DCTN5: variants seen among roughly 807,000 people sequenced by gnomAD.
The protein encoded by DCTN5 is dynactin 4.
In DCTN5, 14 loss-of-function variants were observed where a neutral mutation model predicts 23.5. That is an observed-to-expected ratio of 0.60 (90% confidence interval 0.39 to 0.93). DCTN5 has a LOEUF of 0.93. DCTN5 is among the 40% of genes least tolerant of loss of function. The pLI is 0.00. For synonymous variants in DCTN5, 67 were observed against 79.6 expected, an observed-to-expected ratio of 0.84 and a Z score of 0.84; for missense variants, 156 against 225.9, an observed-to-expected ratio of 0.69 and a Z score of 1.98.
intron 2 of DCTN5, among the ~76,000 whole-genome samples, chr16:23,644,089 A>AATAT (rs1967368930): frequency 6.6e-6 from 1 of 152,022 alleles, no homozygotes; most frequent in African/African-American, 2.4e-5. Flanking sequence ...GTGGAAAAGA[A>AATAT]ATATAATTCA....
At chr16:23,650,753 C>T in intron 2 of DCTN5, 2 of 1,534,804 alleles carry the variant, frequency 1.3e-6, no homozygotes, top group Non-Finnish European at 1.7e-6. Context: ...CCTTCTCTTT[C>T]AGAACTTTGT....
chr16:23,650,373 G>A (rs1244689085), intron 2 of DCTN5, among the ~76,000 whole-genome samples: 2 of 151,952 alleles, frequency 1.3e-5, no homozygotes, highest in African/African-American at 4.8e-5. Context: ...TGCCCAGGCT[G>A]GAGTGTAATG....
At chr16:23,658,019 C>T (rs1003566081) in intron 2 of DCTN5, among the ~76,000 whole-genome samples, 6 of 152,202 alleles carry the variant, frequency 3.9e-5, no homozygotes, top group African/African-American at 1.4e-4. Context: ...TTACACTTTG[C>T]AGTGTAGCAC....
At chr16:23,642,736 C>T (rs1380124928) in intron 1 of DCTN5, 4 of 537,300 alleles carry the variant, frequency 7.4e-6, no homozygotes, top group African/African-American at 1.9e-5. Flanking sequence ...ATCCGTCTGC[C>T]TCAGCCTCTC....
At chr16:23,643,597 T>C (rs1967357460) in intron 2 of DCTN5, among the ~76,000 whole-genome samples, 1 of 152,088 alleles carries the variant, frequency 6.6e-6, no homozygotes, top group African/African-American at 2.4e-5. Flanking sequence ...ACCAACATTA[T>C]TTTATGATAT....
chr16:23,654,507 A>C (rs1041493075), intron 2 of DCTN5, among the ~76,000 whole-genome samples: 1 of 152,154 alleles, frequency 6.6e-6, no homozygotes, highest in Non-Finnish European at 1.5e-5. Flanking sequence ...AATAATGGGT[A>C]CTAGGCTTAA....
chr16:23,655,119 T>C (rs1033804591), intron 2 of DCTN5, among the ~76,000 whole-genome samples: 1 of 152,248 alleles, frequency 6.6e-6, no homozygotes, highest in African/African-American at 2.4e-5. Flanking sequence ...CATAATGTTT[T>C]TGAGATGTAT....
At chr16:23,653,260 C>A (rs929596329) in intron 2 of DCTN5, among the ~76,000 whole-genome samples, 1 of 152,132 alleles carries the variant, frequency 6.6e-6, no homozygotes, top group Non-Finnish European at 1.5e-5. Flanking sequence ...CAATCTTGAG[C>A]AAAAAGAACA....
At position 23,653,965 on chromosome 16, in the gene DCTN5, T is replaced by A. The variant is rs963776282; in HGVS notation, c.118-4542T>A. On this transcript the variant is annotated intron_variant, in intron 2 of 5. Transcript: ENST00000300087. ...TCAACATCACTGATCATTAGAGAAG[T>A]GCAAATCAAAACCACGAGATACCGT... is the stretch of plus-strand genomic sequence containing the variant. Among the ~76,000 whole-genome samples, 5 of 152,142 alleles carry A rather than the reference T, an allele frequency of 3.3e-5. No individual in the cohort carries two copies. The South Asian group carries it at 1.0e-3, about 31-fold the overall frequency.
rs1260355695 is a variant in DCTN5 at position 23,650,140 on chromosome 16, C to T, written c.117+7117C>T. Among the ~76,000 whole-genome samples, 3 of 152,118 alleles carry T rather than the reference C, an allele frequency of 2.0e-5. No individual in the cohort carries two copies. The East Asian group carries it at 5.8e-4, about 29-fold the overall frequency. On this transcript the variant is annotated intron_variant, in intron 2 of 5. Coordinates refer to ENST00000300087, the MANE Select transcript of DCTN5 (RefSeq NM_032486.4). ...TTTTTAAGTCTGGCAGTGTGATGCC[C>T]CCTTCAGCTGTGTTCTTTCTGTTCA...
rs185775836 is a variant in DCTN5, at chr16:23,660,805, A to G, written c.237-365A>G. Among the ~76,000 whole-genome samples, 308 of 152,334 alleles carry G rather than the reference A, an allele frequency of 2.0e-3. 1 individual carries two copies. Among genetic ancestry groups the G allele is most frequent in the Non-Finnish European group, 3.7e-3 (250 of 68,034 alleles). On this transcript the variant is annotated intron_variant, in intron 3 of 5. Coordinates refer to ENST00000300087, the MANE Select transcript of DCTN5 (RefSeq NM_032486.4). ...ATTATAACTCATGAGCCTACTGTCA[A>G]TCCCCTGGAACATTATAGGGCAGGT... is the stretch of plus-strand genomic sequence containing the variant.
rs1967333374 is a variant in DCTN5 at position 23,643,008 on chromosome 16, C to A, written c.102C>A (p.Ile34=). 11 of 1,614,004 alleles carry A rather than the reference C, an allele frequency of 6.8e-6. No individual in the cohort carries two copies. Among genetic ancestry groups the A allele is most frequent in the Non-Finnish European group, 9.3e-6 (11 of 1,179,990 alleles). The change falls in exon 2 of 6, where the codon ATC becomes ATA. Residue 34 remains isoleucine (I), a synonymous_variant. Coordinates refer to ENST00000300087, the MANE Select transcript of DCTN5 (RefSeq NM_032486.4). ...RQSVLCGSQN[I]VLNGKTIVMN... ...CAGTGTTGTGTGGAAGCCAGAACATCGTTCTCAATGGCAAGGTAAGGGACA... is the reference window on the plus strand; with the variant it reads ...CAGTGTTGTGTGGAAGCCAGAACATAGTTCTCAATGGCAAGGTAAGGGACA...
chr16:23,650,681 G>T, intron 2 of DCTN5: 2 of 1,382,656 alleles, frequency 1.4e-6, no homozygotes, highest in Non-Finnish European at 2.0e-6. Context: ...CCCTCCTCTT[G>T]GTGGAAAGTT....
rs1490276472 is a variant in DCTN5 at position 23,656,139 on chromosome 16, A to G, written c.118-2368A>G. 2.0e-5 allele frequency among the ~76,000 whole-genome samples: 3 copies of G among 152,192 alleles called. No homozygotes were observed. The East Asian group carries it at 5.8e-4, about 29-fold the overall frequency. On this transcript the variant is annotated intron_variant, in intron 2 of 5. Coordinates refer to ENST00000300087, the MANE Select transcript of DCTN5 (RefSeq NM_032486.4). ...GCTACCTGGAGGCTGAGGCAGAAGGATCTCTTGAGCCCAGGAGTTCAAGGT... is the reference window on the plus strand; with the variant it reads ...GCTACCTGGAGGCTGAGGCAGAAGGGTCTCTTGAGCCCAGGAGTTCAAGGT...
At chr16:23,665,999 A>T (rs1312581288) in intron 5 of DCTN5, 2 of 451,066 alleles carry the variant, frequency 4.4e-6, no homozygotes, top group Non-Finnish European at 8.0e-6. Flanking sequence ...GCACGGGTTA[A>T]TGCTGTCTTC....
intron 4 of DCTN5, 49 bp from the exon 5 acceptor site, chr16:23,665,577 T>C: frequency 3.2e-6 from 5 of 1,543,630 alleles, no homozygotes; most frequent in Non-Finnish European, 4.4e-6. Flanking sequence ...AAAGGAGCCT[T>C]TCACACAGTA....
intron 2 of DCTN5, chr16:23,657,726 G>T (rs1967735012): frequency 1.0e-5 from 2 of 194,386 alleles, no homozygotes; most frequent in South Asian, 1.3e-4. Flanking sequence ...ACAGGCGTAA[G>T]CTACCGCACC....
chr16:23,651,512 T>G (rs1264639089), intron 2 of DCTN5, among the ~76,000 whole-genome samples: 1 of 152,218 alleles, frequency 6.6e-6, no homozygotes, highest in Non-Finnish European at 1.5e-5. Context: ...AGATTAAGCT[T>G]GTTGTACTTA....
chr16:23,651,176 C>T (rs1396596273), intron 2 of DCTN5: 6 of 1,093,842 alleles, frequency 5.5e-6, no homozygotes, highest in Non-Finnish European at 6.7e-6. Context: ...GTCCTTCAAC[C>T]TCCACTTTGC....
Sources: allele counts gnomAD v4.1 joint callset (sites outside exome capture counted in the v4.1 genomes callset), GRCh38; gene constraint gnomAD v4.1.1; transcripts MANE v1.5; gene names NCBI Gene and HGNC (gene_info 2026-07-23, HGNC 2026-07-21).